The following DDX60 variants were observed in gnomAD, a reference collection of about 807,000 sequenced individuals.
The protein encoded by DDX60 is DExD/H-box helicase 60, also known as probable ATP-dependent RNA helicase DDX60.
Under a neutral mutation model 212.8 loss-of-function variants are expected in DDX60, and 165 were observed. The ratio of observed to expected loss-of-function variants is 0.78; its 90% CI spans 0.68 to 0.88. DDX60 has a LOEUF of 0.88. Among genes scored for constraint, DDX60 ranks in the 40% least tolerant of loss-of-function variants. The pLI is 0.00. For missense variants in DDX60, 1,905 were observed against 2,003.9 expected (o/e 0.95, Z 0.94); for synonymous variants, 703 against 685.3 (o/e 1.03, Z -0.40).
upstream of DDX60, among the ~76,000 whole-genome samples, chr4:168,323,637 G>A (rs937664987): frequency 1.3e-5 from 2 of 152,130 alleles, no homozygotes; most frequent in African/African-American, 2.4e-5. Flanking sequence ...AAATGTCCTC[G>A]TGAGGGCTTG....
At position 168,308,078 on chromosome 4, in the gene DDX60, G is replaced by A. The variant is rs772603224; in HGVS notation, c.192C>T (p.Phe64=). 6.2e-7 allele frequency: 1 copy of A among 1,612,214 alleles called. No homozygotes were observed. Among genetic ancestry groups the A allele is most frequent in the East Asian group, 2.2e-5 (1 of 44,722 alleles). Residue 64 remains phenylalanine, a synonymous_variant, in exon 4 of 38, where the codon TTC becomes TTT. Transcript: ENST00000393743. ...CAAGATAGCGTTCAACCAGATAGAA[G>A]AAATGGAGGTTCTGCCCAGGCTTAA... ...ISFKPGQNLH[F]FYLVERYLVD...
In DDX60 at chr4:168,306,724, T is replaced by C. The variant is rs1236588976; in HGVS notation, c.265-4A>G. On this transcript the variant is annotated splice_region_variant and splice_polypyrimidine_tract_variant and intron_variant, in intron 4 of 37. Coordinates refer to ENST00000393743, the MANE Select transcript of DDX60 (RefSeq NM_017631.6). ...TGAAATACGCATACTCGGCATCCTG[T>C]GGAGGAGGAGGTGAAGTACATTTTA... 6.3e-7 allele frequency: 1 copy of C among 1,598,422 alleles called. No homozygotes were observed. The highest frequency in any genetic ancestry group is 8.6e-7 in the Non-Finnish European group (1 of 1,168,478).
At chr4:168,304,353 A>G (rs577070243) in intron 5 of DDX60, among the ~76,000 whole-genome samples, 3 of 152,278 alleles carry the variant, frequency 2.0e-5, no homozygotes, top group Admixed American at 2.0e-4. Context: ...CTTTTAAGAA[A>G]AAAGCTTAAA....
intron 33 of DDX60, among the ~76,000 whole-genome samples, chr4:168,232,579 T>C (rs1281741442): frequency 6.6e-6 from 1 of 151,986 alleles, no homozygotes; most frequent in African/African-American, 2.4e-5. Flanking sequence ...AACTGATCTT[T>C]GACAAACCAA....
chr4:168,251,361 A>G (rs1734214047), intron 27 of DDX60, among the ~76,000 whole-genome samples: 1 of 152,242 alleles, frequency 6.6e-6, no homozygotes, highest in Non-Finnish European at 1.5e-5. Flanking sequence ...AGTAGCAGAT[A>G]AAACACCAAG....
chr4:168,287,633 A>C (rs1242844097), intron 9 of DDX60, among the ~76,000 whole-genome samples: 2 of 152,170 alleles, frequency 1.3e-5, no homozygotes, highest in Non-Finnish European at 2.9e-5. Context: ...GAACCACATC[A>C]CTGTGGTCAA....
rs576627662 is a variant in DDX60 at position 168,311,072 on chromosome 4, A to G, written c.5-5T>C. 3 of 1,543,670 alleles carry G rather than the reference A, an allele frequency of 1.9e-6. No individual in the cohort carries two copies. The highest frequency in any genetic ancestry group is 2.7e-6 in the Non-Finnish European group (3 of 1,124,440). On this transcript the variant is annotated splice_polypyrimidine_tract_variant and splice_region_variant and intron_variant, in intron 2 of 37. Transcript: ENST00000393743. The stretch of plus-strand genomic sequence containing the variant: ...ATGTTGTAAGAACATTTCTTTCTAA[A>G]TTTAAAAAAAAAGAGAGAAAGAGAA...
intron 30 of DDX60, among the ~76,000 whole-genome samples, chr4:168,242,674 T>C (rs1486142036): frequency 6.6e-6 from 1 of 152,206 alleles, no homozygotes; most frequent in Admixed American, 6.5e-5. Flanking sequence ...AACTTGCTTT[T>C]GATTTTACTA....
At chr4:168,261,882 T>G (rs946257278) in intron 24 of DDX60, 118 bp downstream of exon 24, 1 of 1,220,090 alleles carries the variant, frequency 8.2e-7, no homozygotes, top group African/African-American at 1.6e-5. Context: ...CAAGTTCAAC[T>G]TAAATTTCTA....
chr4:168,248,357 T>A, intron 28 of DDX60, 65 bp from the exon 29 acceptor site: 1 of 1,257,944 alleles, frequency 7.9e-7, no homozygotes, highest in Non-Finnish European at 1.1e-6. Context: ...GTATTTCCTG[T>A]CATAAAGTTG....
intron 26 of DDX60, among the ~76,000 whole-genome samples, chr4:168,253,959 C>G (rs1245815966): frequency 6.6e-6 from 1 of 152,142 alleles, no homozygotes; most frequent in Non-Finnish European, 1.5e-5. Flanking sequence ...AAGATGTGCT[C>G]ACTTGTATGT....
intron 2 of DDX60, 25 bp downstream of exon 2, chr4:168,311,231 A>G: frequency 6.2e-7 from 1 of 1,609,960 alleles, no homozygotes; most frequent in Non-Finnish European, 8.5e-7. Context: ...TTTATAATCT[A>G]TAAATATTTT....
chr4:168,308,271 CTCATTA>C, intron 3 of DDX60, 76 bp from the exon 4 acceptor site: 1 of 855,204 alleles, frequency 1.2e-6, no homozygotes, highest in Non-Finnish European at 1.8e-6. Flanking sequence ...TTCTTATTAG[CTCATTA>C]TCATTATCAT....
intron 30 of DDX60, 49 bp downstream of exon 30, chr4:168,246,369 G>C: frequency 2.5e-6 from 4 of 1,609,780 alleles, no homozygotes; most frequent in Non-Finnish European, 3.4e-6. Context: ...CCTGACTAAA[G>C]TCAGGCCAGT....
intron 30 of DDX60, among the ~76,000 whole-genome samples, chr4:168,244,409 A>G (rs1733953450): frequency 6.6e-6 from 1 of 152,196 alleles, no homozygotes; most frequent in Non-Finnish European, 1.5e-5. Context: ...ATTATGATAT[A>G]AAAGAGTGAT....
rs1735123155 is a variant in DDX60, at chr4:168,272,058, A to C, written c.2655T>G (p.Tyr885Ter). The change falls in exon 19 of 38, where the codon TAT becomes TAG. Residue 885 changes from tyrosine to a stop codon, truncating the protein, a stop_gained. Transcript: ENST00000393743. LOFTEE classifies it high-confidence loss of function. ...HRQNWVKKIR[Y>*]VIFDEVHCLG... ...CCAAACCTACCTCATCAAATATAAC[A>C]TATCTGATCTTTTTCACCCAGTTTT... is the stretch of plus-strand genomic sequence containing the variant. The C allele has an allele frequency of 1.3e-6, 2 of 1,581,686 alleles. No homozygotes were observed. Among genetic ancestry groups the C allele is most frequent in the Non-Finnish European group, 1.7e-6 (2 of 1,161,010 alleles).
At chr4:168,265,089 G>A (rs2149513992) in intron 22 of DDX60, among the ~76,000 whole-genome samples, 1 of 152,216 alleles carries the variant, frequency 6.6e-6, no homozygotes, top group Non-Finnish European at 1.5e-5. Context: ...GTTCCTGTGT[G>A]GCATGAAAAT....
intron 33 of DDX60, among the ~76,000 whole-genome samples, chr4:168,233,671 G>A (rs1733533127): frequency 6.6e-6 from 1 of 152,034 alleles, no homozygotes; most frequent in African/African-American, 2.4e-5. Context: ...AGGACACAAA[G>A]TCATAAAAAT....
At chr4:168,308,375 G>A (rs868250045) in intron 3 of DDX60, among the ~76,000 whole-genome samples, 180 bp from the exon 4 acceptor site, 1 of 152,152 alleles carries the variant, frequency 6.6e-6, no homozygotes. Context: ...TCCTTCACAG[G>A]AGGAAGGCGG....
Sources: allele counts gnomAD v4.1 joint callset (sites outside exome capture counted in the v4.1 genomes callset), GRCh38; gene constraint gnomAD v4.1.1; transcripts MANE v1.5; gene names NCBI Gene and HGNC (gene_info 2026-07-23, HGNC 2026-07-21).